Variants in KCNN2 observed in about 807,000 individuals in gnomAD.
KCNN2 encodes the protein small conductance calcium-activated potassium channel protein 2.
Under a neutral mutation model 55.5 loss-of-function variants are expected in KCNN2, and 24 were observed. The observed-to-expected ratio is 0.43, with a 90% confidence interval of 0.31 to 0.61. The LOEUF (loss-of-function observed/expected upper bound fraction) is 0.61, where lower values mean the gene tolerates loss of function less well. KCNN2 is among the 20% of genes least tolerant of loss of function. The pLI is 0.08. For synonymous variants in KCNN2, 431 were observed against 336.1 expected (o/e 1.28, Z -3.09); for missense variants, 754 against 853.6 (o/e 0.88, Z 1.45).
chr5:114,169,772 G>T (rs1459736056), intron 1 of KCNN2, among the ~76,000 whole-genome samples: 1 of 152,044 alleles, frequency 6.6e-6, no homozygotes, highest in Non-Finnish European at 1.5e-5. Flanking sequence ...AAACAGTTGG[G>T]ATAAGTTACA....
chr5:114,173,312 A>G (rs114285651), intron 1 of KCNN2, among the ~76,000 whole-genome samples: 380 of 152,090 alleles, frequency 2.5e-3, no homozygotes, highest in African/African-American at 8.8e-3. Context: ...TGACAGTGCC[A>G]TGCTGTTTTG....
At chr5:114,490,869 A>G (rs1294274189) in intron 6 of KCNN2, among the ~76,000 whole-genome samples, 1 of 152,214 alleles carries the variant, frequency 6.6e-6, no homozygotes, top group Non-Finnish European at 1.5e-5. Context: ...GAAGAAATCA[A>G]CATATGTTTC....
chr5:114,061,248 T>C (rs1750322600), intron 1 of KCNN2, among the ~76,000 whole-genome samples: 1 of 152,174 alleles, frequency 6.6e-6, no homozygotes, highest in Non-Finnish European at 1.5e-5. Context: ...TACACATTCA[T>C]GGGATCACTC....
chr5:114,380,395 G>T (rs1758081802), intron 2 of KCNN2, among the ~76,000 whole-genome samples: 1 of 152,162 alleles, frequency 6.6e-6, no homozygotes, highest in East Asian at 1.9e-4. Flanking sequence ...ATTTCATGGT[G>T]ACAGTCTGTA....
intron 2 of KCNN2, among the ~76,000 whole-genome samples, chr5:114,263,369 A>G (rs1755148864): frequency 6.6e-6 from 1 of 152,178 alleles, no homozygotes; most frequent in Non-Finnish European, 1.5e-5. Context: ...TTGAACTCAG[A>G]AAGTTGTTAT....
intron 3 of KCNN2, among the ~76,000 whole-genome samples, chr5:114,415,645 A>G (rs140771995): frequency 8.4e-4 from 128 of 152,316 alleles, no homozygotes; most frequent in African/African-American, 3.0e-3. Flanking sequence ...ATGACTAATA[A>G]TGGTGAATAT....
At chr5:114,330,016 C>T (rs200676689) in intron 2 of KCNN2, among the ~76,000 whole-genome samples, 27 of 151,328 alleles carry the variant, frequency 1.8e-4, no homozygotes. Context: ...GGGAAACTCC[C>T]TCTCTCTCCC....
At chr5:114,195,000 T>C (rs965193370) in intron 1 of KCNN2, among the ~76,000 whole-genome samples, 28 of 151,970 alleles carry the variant, frequency 1.8e-4, no homozygotes, top group African/African-American at 6.3e-4. Context: ...TAATGGACTA[T>C]AGTGTAAAGG....
intron 1 of KCNN2, among the ~76,000 whole-genome samples, chr5:114,173,632 A>G (rs1753083545): frequency 6.6e-6 from 1 of 151,946 alleles, no homozygotes; most frequent in Non-Finnish European, 1.5e-5. Flanking sequence ...AACATAGAAT[A>G]TCTTTCCATT....
chr5:114,154,579 G>A (rs897813438), intron 1 of KCNN2, among the ~76,000 whole-genome samples: 9 of 152,150 alleles, frequency 5.9e-5, no homozygotes, highest in Non-Finnish European at 8.8e-5. Context: ...TTTTCAGTGA[G>A]AAATAATACT....
intron 1 of KCNN2, among the ~76,000 whole-genome samples, chr5:114,105,809 G>A (rs1264395059): frequency 1.3e-5 from 2 of 151,854 alleles, no homozygotes; most frequent in Non-Finnish European, 2.9e-5. Context: ...AGCCATTTTT[G>A]TTTGGCAATA....
intron 1 of KCNN2, among the ~76,000 whole-genome samples, chr5:114,085,805 C>A (rs796723030): frequency 1.3e-5 from 2 of 152,052 alleles, no homozygotes; most frequent in African/African-American, 4.8e-5. Context: ...TTGATTCCAT[C>A]AGTTACTAAA....
chr5:114,222,014 G>A (rs1754149014), intron 2 of KCNN2, among the ~76,000 whole-genome samples: 1 of 152,172 alleles, frequency 6.6e-6, no homozygotes, highest in African/African-American at 2.4e-5. Context: ...AAGAAGTTGA[G>A]GTTAAAACAA....
chr5:114,227,970 C>T (rs1046116392), intron 2 of KCNN2, among the ~76,000 whole-genome samples: 3 of 151,374 alleles, frequency 2.0e-5, no homozygotes, highest in African/African-American at 7.3e-5. Context: ...CTACTGTGTG[C>T]CAAACAATGA....
chr5:114,236,840 A>G (rs976293158), intron 2 of KCNN2, among the ~76,000 whole-genome samples: 1 of 152,074 alleles, frequency 6.6e-6, no homozygotes, highest in African/African-American at 2.4e-5. Flanking sequence ...TTTGGTGTTT[A>G]TGGAAAAGGA....
chr5:114,481,658 C>A (rs1762234568), intron 5 of KCNN2, among the ~76,000 whole-genome samples: 1 of 152,164 alleles, frequency 6.6e-6, no homozygotes, highest in African/African-American at 2.4e-5. Flanking sequence ...TATAGGGCTA[C>A]AGTAACTAAA....
At chr5:114,250,877 A>T (rs1414604598) in intron 2 of KCNN2, among the ~76,000 whole-genome samples, 2 of 152,200 alleles carry the variant, frequency 1.3e-5, no homozygotes, top group Non-Finnish European at 2.9e-5. Flanking sequence ...ACCCATAGTG[A>T]TGAGTAGATT....
At chr5:114,352,475 A>ATAAAGTAATATGTTACTTTTTCCT (rs1561581514) in intron 2 of KCNN2, among the ~76,000 whole-genome samples, 1 of 147,062 alleles carries the variant, frequency 6.8e-6, no homozygotes, top group African/African-American at 2.5e-5. Context: ...TTCTTTTCTC[A>ATAAAGTAATATGTTACTTTTTCCT]TAAAGTAATA....
intron 1 of KCNN2, among the ~76,000 whole-genome samples, chr5:114,168,154 CAT>C (rs1752957263): frequency 8.0e-6 from 1 of 125,430 alleles, no homozygotes; most frequent in Non-Finnish European, 1.7e-5. Context: ...GATATATAAT[CAT>C]ATATATGTGG....
Sources: allele counts gnomAD v4.1 joint callset (sites outside exome capture counted in the v4.1 genomes callset), GRCh38; gene constraint gnomAD v4.1.1; transcripts MANE v1.5; gene names NCBI Gene and HGNC (gene_info 2026-07-23, HGNC 2026-07-21).